The following PGD variants were observed in gnomAD, a reference collection of about 807,000 sequenced individuals.
The protein encoded by PGD is phosphogluconate dehydrogenase.
In PGD, 21 loss-of-function variants were observed where a neutral mutation model predicts 60.4. The observed-to-expected ratio is 0.35, with a 90% confidence interval of 0.25 to 0.50. PGD has a LOEUF of 0.50. Ranked by LOEUF, PGD falls within the 20% of genes least tolerant of loss-of-function variation. PGD has a pLI of 0.98. For synonymous variants in PGD, 230 were observed against 235.9 expected (o/e 0.97, Z 0.23); for missense variants, 477 against 613.1 (o/e 0.78, Z 2.34).
rs1569966870 is a variant in PGD at position 10,400,976 on chromosome 1, C to T, written c.264+404C>T. 2.0e-5 allele frequency among the ~76,000 whole-genome samples: 3 copies of T among 152,172 alleles called. No individual in the cohort carries two copies. The East Asian group carries it at 5.8e-4, about 29-fold the overall frequency. The stretch of plus-strand genomic sequence containing the variant: ...GTATGGTGGTGTAAGCTTATGGTCC[C>T]AGCTACAAGCTTATGGTCCCAGGTT... On this transcript the variant is annotated intron_variant, in intron 3 of 12. Transcript: ENST00000270776.
At chr1:10,405,425 C>T (rs34704453) in intron 5 of PGD, among the ~76,000 whole-genome samples, 41 of 149,554 alleles carry the variant, frequency 2.7e-4, no homozygotes, top group East Asian at 6.1e-4. Flanking sequence ...CACACACACA[C>T]ATATATATAA....
chr1:10,418,769 G>C (rs1215033401), intron 10 of PGD, 57 bp from the exon 11 acceptor site: 2 of 927,908 alleles, frequency 2.2e-6, no homozygotes, highest in African/African-American at 2.1e-5. Context: ...GCGGGACTCC[G>C]TCTCAAAAAA....
intron 5 of PGD, among the ~76,000 whole-genome samples, chr1:10,404,641 A>G (rs904937541): frequency 6.6e-6 from 1 of 151,956 alleles, no homozygotes; most frequent in Non-Finnish European, 1.5e-5. Context: ...CTGGGACTAC[A>G]GGCACATGCC....
At chr1:10,411,152 T>C (rs531021397) in intron 6 of PGD, among the ~76,000 whole-genome samples, 21 of 152,280 alleles carry the variant, frequency 1.4e-4, no homozygotes, top group South Asian at 1.0e-3. Context: ...TAGAGAGCCA[T>C]AAGTATTGAA....
In PGD at chr1:10,399,655, C is replaced by G. The variant is rs774168617; in HGVS notation, c.35C>G (p.Ala12Gly). ...AQADIALIGL[A>G]VMGQNLILNM... is the part of the protein sequence containing the mutation. ...GCTGACATCGCGCTGATCGGATTGG[C>G]CGTCATGGGCCAGAACTTAATTCTG... The change falls in exon 2 of 13, where the codon GCC becomes GGC. Residue 12 changes from alanine (A) to glycine (G), a missense_variant. Coordinates refer to ENST00000270776, the MANE Select transcript of PGD (RefSeq NM_002631.4). 25 of 1,613,930 alleles carry G rather than the reference C, an allele frequency of 1.5e-5. No individual in the cohort carries two copies. The South Asian group carries it at 2.6e-4, about 17-fold the overall frequency.
At chr1:10,408,212 AG>A in intron 6 of PGD, 72 bp downstream of exon 6, 1 of 872,196 alleles carries the variant, frequency 1.1e-6, no homozygotes, top group Non-Finnish European at 2.0e-6. Flanking sequence ...GCGTGGAGAA[AG>A]GCCACCGTGG....
At chr1:10,403,972 A>T (rs976600277) in intron 4 of PGD, among the ~76,000 whole-genome samples, 189 bp from the exon 5 acceptor site, 4 of 152,196 alleles carry the variant, frequency 2.6e-5, no homozygotes, top group South Asian at 2.1e-4. Context: ...ACTCCTACAC[A>T]TAGGGGATTA....
chr1:10,413,375 GCT>G (rs1425745417), intron 8 of PGD, 124 bp downstream of exon 8: 2 of 775,664 alleles, frequency 2.6e-6, no homozygotes, highest in Non-Finnish European at 4.1e-6. Flanking sequence ...AGTGCCTTTT[GCT>G]CTTTCTTGCG....
chr1:10,418,381 C>T (rs922099984), intron 10 of PGD, among the ~76,000 whole-genome samples: 1 of 152,104 alleles, frequency 6.6e-6, no homozygotes, highest in Admixed American at 6.6e-5. Context: ...CACTTTTTTT[C>T]TAAACAGGAA....
At chr1:10,403,005 G>C in intron 3 of PGD, 66 bp from the exon 4 acceptor site, 1 of 1,031,612 alleles carries the variant, frequency 9.7e-7, no homozygotes, top group South Asian at 1.3e-5. Flanking sequence ...ATAAATTCTT[G>C]TTTGTTTTAA....
chr1:10,399,594 T>C (rs1639276659), intron 1 of PGD, 35 bp from the exon 2 acceptor site: 1 of 1,598,228 alleles, frequency 6.3e-7, no homozygotes, highest in Non-Finnish European at 8.6e-7. Flanking sequence ...CGAGCGGTGC[T>C]GACTCTTTCC....
chr1:10,407,290 A>G (rs1161365196), intron 5 of PGD, among the ~76,000 whole-genome samples: 1 of 152,114 alleles, frequency 6.6e-6, no homozygotes, highest in Non-Finnish European at 1.5e-5. Flanking sequence ...CCTACAAAAA[A>G]AAGTTTTTAA....
In PGD at chr1:10,418,908, G is replaced by C. The variant is rs757401268; in HGVS notation, c.1192G>C (p.Ala398Pro). 2 of 1,608,274 alleles carry C rather than the reference G, an allele frequency of 1.2e-6. No homozygotes were observed. Among genetic ancestry groups the C allele is most frequent in the South Asian group, 2.2e-5 (2 of 90,952 alleles). Residue 398 changes from alanine (A) to proline (P), a missense_variant, in exon 11 of 13, where the codon GCT becomes CCT. Coordinates refer to ENST00000270776, the MANE Select transcript of PGD (RefSeq NM_002631.4). ...NLLLDDFFKS[A>P]VENCQDSWRR... ...CCTACTGGACGACTTCTTTAAGTCA[G>C]CTGTTGAAAACTGCCAGGTATGTAG...
rs558053487 is a variant in PGD at position 10,418,252 on chromosome 1, T to C, written c.1110-574T>C. On this transcript the variant is annotated intron_variant, in intron 10 of 12. Coordinates refer to ENST00000270776, the MANE Select transcript of PGD (RefSeq NM_002631.4). The stretch of plus-strand genomic sequence containing the variant: ...TCAGATGATTCTAATATTAGTTCTC[T>C]TTAGAAATAACGCCAAGAATAGTTT... 6.6e-5 allele frequency among the ~76,000 whole-genome samples: 10 copies of C among 152,362 alleles called. No homozygotes were observed. The South Asian group carries it at 1.0e-3, about 16-fold the overall frequency.
At chr1:10,414,003 C>T (rs1347436566) in intron 8 of PGD, among the ~76,000 whole-genome samples, 1 of 152,122 alleles carries the variant, frequency 6.6e-6, no homozygotes, top group Admixed American at 6.5e-5. Flanking sequence ...TTGCAGTGAG[C>T]CAAGATCATG....
In PGD at chr1:10,404,237, G is replaced by A. The variant is rs1371618717; in HGVS notation, c.407G>A (p.Arg136Gln). 3 of 1,613,722 alleles carry A rather than the reference G, an allele frequency of 1.9e-6. No homozygotes were observed. Among genetic ancestry groups the A allele is most frequent in the South Asian group, 1.1e-5 (1 of 91,038 alleles). The stretch of plus-strand genomic sequence containing the variant: ...GTCAGTGGTGGAGAGGAAGGGGCCC[G>A]GTATGGCCCATCGCTCATGCCAGGA... Reference protein sequence around the residue: ...SGVSGGEEGARYGPSLMPGGN... With the variant: ...SGVSGGEEGAQYGPSLMPGGN... Residue 136 changes from arginine (R) to glutamine (Q), a missense_variant, in exon 5 of 13, where the codon CGG becomes CAG. Physicochemically the swap from Arg to Gln is conservative, Grantham distance 43. Transcript: ENST00000270776.
At chr1:10,411,393 C>A (rs766398136) in intron 6 of PGD, 25 bp from the exon 7 acceptor site, 1 of 1,612,138 alleles carries the variant, frequency 6.2e-7, no homozygotes, top group Non-Finnish European at 8.5e-7. Flanking sequence ...CTCTGAAGGC[C>A]TCTTGGTGCT....
intron 2 of PGD, 191 bp downstream of exon 2, chr1:10,399,895 G>A (rs1203513964): frequency 3.3e-6 from 2 of 612,612 alleles, no homozygotes; most frequent in Non-Finnish European, 5.9e-6. Flanking sequence ...ACTTAGTCCT[G>A]CGGAGTGTGC....
chr1:10,406,248 C>T (rs1455449330), intron 5 of PGD, among the ~76,000 whole-genome samples: 1 of 152,128 alleles, frequency 6.6e-6, no homozygotes, highest in African/African-American at 2.4e-5. Flanking sequence ...GGCCTTTCTG[C>T]TTCTCAGAAG....
Sources: gnomAD v4.1 joint callset for allele counts (sites outside exome capture counted in the v4.1 genomes callset) on GRCh38, gnomAD v4.1.1 for gene constraint, MANE v1.5 for transcripts, NCBI Gene and HGNC (gene_info 2026-07-23, HGNC 2026-07-21) for gene names.